The following SLC26A5 variants were observed in gnomAD, a reference collection of about 807,000 sequenced individuals.
SLC26A5 encodes prestin.
SLC26A5 carries 51 observed loss-of-function variants against 81.0 expected under a neutral mutation model. The ratio of observed to expected loss-of-function variants is 0.63; its 90% CI spans 0.50 to 0.80. SLC26A5 has a LOEUF of 0.80. Ranked by LOEUF, SLC26A5 falls within the 30% of genes least tolerant of loss-of-function variation. SLC26A5 has a pLI of 0.00. For missense variants in SLC26A5, 771 were observed against 905.8 expected (o/e 0.85, Z 1.91); for synonymous variants, 325 against 332.8 (o/e 0.98, Z 0.25).
chr7:103,440,905 G>T (rs1826826188), intron 2 of SLC26A5, among the ~76,000 whole-genome samples: 1 of 152,176 alleles, frequency 6.6e-6, no homozygotes, highest in South Asian at 2.1e-4. Flanking sequence ...CCCTGGGATT[G>T]GCCAATGCTG....
chr7:103,361,335 CT>C (rs1284409365), intron 19 of SLC26A5, among the ~76,000 whole-genome samples: 1 of 133,430 alleles, frequency 7.5e-6, no homozygotes, highest in African/African-American at 2.9e-5. Flanking sequence ...CCCCTCTCTA[CT>C]AAAAAAAAAA....
At chr7:103,383,502 G>C (rs1460389958) in intron 14 of SLC26A5, among the ~76,000 whole-genome samples, 1 of 152,110 alleles carries the variant, frequency 6.6e-6, no homozygotes, top group African/African-American at 2.4e-5. Context: ...TGAAGGCCAA[G>C]TCCTTACTAC....
intron 14 of SLC26A5, among the ~76,000 whole-genome samples, chr7:103,381,818 G>C (rs1346245410): frequency 6.9e-6 from 1 of 144,914 alleles, no homozygotes; most frequent in Non-Finnish European, 1.5e-5. Flanking sequence ...CTTCATCCAA[G>C]ACACAATACA....
At chr7:103,437,064 A>G (rs1826504105) in intron 2 of SLC26A5, among the ~76,000 whole-genome samples, 1 of 152,232 alleles carries the variant, frequency 6.6e-6, no homozygotes, top group Non-Finnish European at 1.5e-5. Context: ...TCTAAAATAT[A>G]TAAGGAACTC....
chr7:103,434,426 GT>G (rs1211157464), intron 2 of SLC26A5, among the ~76,000 whole-genome samples: 2 of 152,116 alleles, frequency 1.3e-5, no homozygotes, highest in Admixed American at 6.5e-5. Context: ...ATCTCTGCAT[GT>G]TTTTTCATTC....
intron 2 of SLC26A5, chr7:103,433,614 C>T (rs899889627): frequency 1.4e-4 from 21 of 152,038 alleles, no homozygotes; most frequent in African/African-American, 4.6e-4. Flanking sequence ...GCTACTTCTA[C>T]CTATAAAAGG....
intron 19 of SLC26A5, among the ~76,000 whole-genome samples, chr7:103,364,852 A>G (rs1365973276): frequency 6.6e-6 from 1 of 151,792 alleles, no homozygotes; most frequent in Non-Finnish European, 1.5e-5. Context: ...TTTTCTACGG[A>G]AATGCCTGGT....
intron 15 of SLC26A5, among the ~76,000 whole-genome samples, chr7:103,380,043 A>G (rs997435105): frequency 1.3e-5 from 2 of 152,194 alleles, no homozygotes; most frequent in Non-Finnish European, 2.9e-5. Context: ...GATATTCCAC[A>G]GAAGAAAAGA....
At chr7:103,413,579 C>T (rs1253592661) in intron 4 of SLC26A5, among the ~76,000 whole-genome samples, 1 of 152,114 alleles carries the variant, frequency 6.6e-6, no homozygotes, top group Non-Finnish European at 1.5e-5. Flanking sequence ...GAAGGTACAG[C>T]CTTCCACGTT....
intron 2 of SLC26A5, among the ~76,000 whole-genome samples, chr7:103,441,179 T>C (rs1475378055): frequency 1.3e-5 from 2 of 152,190 alleles, no homozygotes; most frequent in Non-Finnish European, 1.5e-5. Flanking sequence ...CCCTTGTCAG[T>C]TTTTCTTCCT....
In SLC26A5 at chr7:103,443,103, A is replaced by C. The variant is rs56387553; in HGVS notation, c.-74T>G. ...CTTACCCAGATCCAATGTGCAGCAC[A>C]AAAGTCGGGACAGGGGACAAGATCC... On this transcript the variant is annotated 5_prime_UTR_variant, in exon 2 of 20. Transcript: ENST00000306312. 1.3e-5 allele frequency: 2 copies of C among 152,298 alleles called. No homozygotes were observed. The highest frequency in any genetic ancestry group is 1.3e-4 in the Admixed American group (2 of 15,282). 9.4% of individuals were successfully genotyped at this position (152,298 alleles called of 1,614,324 possible).
At chr7:103,404,603 T>A in intron 8 of SLC26A5, among the ~76,000 whole-genome samples, 1 of 152,220 alleles carries the variant, frequency 6.6e-6, no homozygotes, top group East Asian at 1.9e-4. Flanking sequence ...TCTCTCTGGC[T>A]GCCCTTAACA....
chr7:103,359,558 G>A lies in SLC26A5; in HGVS notation c.2042-6632C>T, dbSNP rs150923793. ...CTGTTTCTATGAATTTGTCTATCCTGGACATATCATCTAAATGGAATCATA... is the reference window on the plus strand; with the variant it reads ...CTGTTTCTATGAATTTGTCTATCCTAGACATATCATCTAAATGGAATCATA... On this transcript the variant is annotated intron_variant, in intron 19 of 19. Coordinates refer to the SLC26A5 transcript ENST00000339444. Among the ~76,000 whole-genome samples, 36 of 152,038 alleles carry A rather than the reference G, an allele frequency of 2.4e-4. No homozygotes were observed. The East Asian group carries it at 6.8e-3, about 29-fold the overall frequency.
At chr7:103,409,896 G>A (rs1009977891) in intron 7 of SLC26A5, among the ~76,000 whole-genome samples, 2 of 152,072 alleles carry the variant, frequency 1.3e-5, no homozygotes, top group Admixed American at 6.6e-5. Flanking sequence ...TTTTAGTAGA[G>A]ACGGGGTTTC....
Position 103,374,257 on chromosome 7 carries a change from T to C in SLC26A5, c.*142A>G. ...AAAACACAAGTACAATACATCTTGC[T>C]AGGCGTCATTCACCCTCCAAATCAA... is the stretch of plus-strand genomic sequence containing the variant. On this transcript the variant is annotated 3_prime_UTR_variant, in exon 20 of 20. Transcript: ENST00000306312. 2 of 1,476,160 alleles carry C rather than the reference T, an allele frequency of 1.4e-6. No homozygotes were observed. Among genetic ancestry groups the C allele is most frequent in the Non-Finnish European group, 1.8e-6 (2 of 1,118,232 alleles). The allele number at this position is 1,476,160 out of a possible 1,614,324, so 91.4% of individuals were successfully genotyped here.
chr7:103,426,001 A>C (rs1456480175), intron 2 of SLC26A5, among the ~76,000 whole-genome samples: 1 of 152,244 alleles, frequency 6.6e-6, no homozygotes, highest in Non-Finnish European at 1.5e-5. Flanking sequence ...CCATGTACCC[A>C]GCACCCAAAC....
intron 19 of SLC26A5, chr7:103,361,922 G>T (rs961578627): frequency 3.2e-6 from 5 of 1,581,988 alleles, no homozygotes; most frequent in Admixed American, 3.9e-5. Context: ...AGTGGCTTAG[G>T]TTCCTTATTC....
downstream of SLC26A5, among the ~76,000 whole-genome samples, chr7:103,369,999 C>A (rs939244653): frequency 6.6e-6 from 1 of 152,182 alleles, no homozygotes; most frequent in African/African-American, 2.4e-5. Context: ...ATCTAAGTCA[C>A]TAAGCAGGCA....
intron 8 of SLC26A5, among the ~76,000 whole-genome samples, chr7:103,399,248 A>G (rs1823388316): frequency 6.6e-6 from 1 of 152,188 alleles, no homozygotes; most frequent in South Asian, 2.1e-4. Context: ...AACCCAAAGC[A>G]GGAGAGGCAA....
Sources: gnomAD v4.1 joint callset for allele counts (sites outside exome capture counted in the v4.1 genomes callset) on GRCh38, gnomAD v4.1.1 for gene constraint, MANE v1.5 for transcripts, NCBI Gene and HGNC (gene_info 2026-07-23, HGNC 2026-07-21) for gene names.